Variants in ZNF285 observed in about 807,000 individuals in gnomAD.
The protein encoded by ZNF285 is zinc finger protein 285, also known as zinc finger protein 285A.
ZNF285 carries 4 observed loss-of-function variants against 6.2 expected under a neutral mutation model. The ratio of observed to expected loss-of-function variants is 0.65; its 90% CI spans 0.32 to 1.49. The LOEUF is 1.49. ZNF285 is among the 40% of genes most tolerant of loss of function. The pLI is 0.07. For synonymous variants in ZNF285, 240 were observed against 245.8 expected (o/e 0.98, Z 0.22); for missense variants, 695 against 708.8 (o/e 0.98, Z 0.22).
At position 44,387,901 on chromosome 19, in the gene ZNF285, G is replaced by A. The variant is rs1379664639; in HGVS notation, c.344C>T (p.Ser115Phe). 1.2e-6 allele frequency: 2 copies of A among 1,613,850 alleles called. No homozygotes were observed. The highest frequency in any genetic ancestry group is 1.7e-6 in the Non-Finnish European group (2 of 1,179,914). ...GTTTTCATTTTCAGAAATCTGAAGA[G>A]AAATGCCTGCCCACTCTTCACTGAG... ...VSLSEEWAGI[S>F]LQISENENYV... is the part of the protein sequence containing the mutation. Residue 115 changes from serine (S) to phenylalanine (F), a missense_variant, in exon 4 of 4, where the codon TCT (serine) becomes TTT (phenylalanine). Ser to Phe is a radical substitution (Grantham distance 155, BLOSUM62 -2). Coordinates refer to ENST00000614994, the MANE Select transcript of ZNF285 (RefSeq NM_152354.6).
intron 2 of ZNF285, among the ~76,000 whole-genome samples, chr19:44,393,980 A>G (rs1366661544): frequency 6.6e-6 from 1 of 152,134 alleles, no homozygotes; most frequent in Non-Finnish European, 1.5e-5. Flanking sequence ...TTGCGGCACT[A>G]TTCACAATAG....
At position 44,392,389 on chromosome 19, in the gene ZNF285, G is replaced by A; in HGVS notation, c.93C>T (p.Asn31=). Residue 31 remains asparagine, a synonymous_variant, in exon 3 of 4, where the codon AAC becomes AAT. Coordinates refer to ENST00000614994, the MANE Select transcript of ZNF285 (RefSeq NM_152354.6). Reference sequence around the variant, plus strand: ...TTTCCAGCATCACATCTTGGTACAGGTTTATCTGGGCTTTATCCAATAGTG... The same window carrying A: ...TTTCCAGCATCACATCTTGGTACAGATTTATCTGGGCTTTATCCAATAGTG... ...ELALLDKAQI[N]LYQDVMLENF... 1 of 1,613,762 alleles carries A rather than the reference G, an allele frequency of 6.2e-7. No individual in the cohort carries two copies. Among genetic ancestry groups the A allele is most frequent in the South Asian group, 1.1e-5 (1 of 91,056 alleles).
At chr19:44,394,027 T>C (rs1219939317) in intron 2 of ZNF285, among the ~76,000 whole-genome samples, 1 of 151,928 alleles carries the variant, frequency 6.6e-6, no homozygotes, top group African/African-American at 2.4e-5. Context: ...CCAACAACGA[T>C]AGACTGGATT....
intron 1 of ZNF285, among the ~76,000 whole-genome samples, chr19:44,400,724 G>C (rs925325452): frequency 2.0e-5 from 3 of 151,990 alleles, no homozygotes; most frequent in African/African-American, 7.3e-5. Context: ...ACAGGCGCCT[G>C]CCACCGTGCC....
rs560073053 is a variant in ZNF285, at chr19:44,395,632, TAC to T, written c.15+1565_15+1566del. Among the ~76,000 whole-genome samples the T allele has an allele frequency of 8.5e-5, 13 of 152,270 alleles. No individual in the cohort carries two copies. In the South Asian group the frequency reaches 2.7e-3, roughly 32 times the overall value. On this transcript the variant is annotated intron_variant, in intron 2 of 3. Transcript: ENST00000614994. ...ATTTTTAAGGAAATATATACTGAAATACACAGAGAGTGTGGTAAGTTAGACTG... is the reference window on the plus strand; with the variant it reads ...ATTTTTAAGGAAATATATACTGAAATACAGAGAGTGTGGTAAGTTAGACTG...
Position 44,386,899 on chromosome 19 carries a change from A to G in ZNF285, c.1346T>C (p.Val449Ala). The change falls in exon 4 of 4, where the codon GTC becomes GCC. Residue 449 changes from valine to alanine, a missense_variant. By Grantham distance (64) the Val-to-Ala change is moderately conservative. Coordinates refer to ENST00000614994, the MANE Select transcript of ZNF285 (RefSeq NM_152354.6). ...TTTGTATGGTTTCTCCCCTGTGTGG[A>G]CTCTCTGGTGAATGTGAAGGTGTGT... is the stretch of plus-strand genomic sequence containing the variant. ...QCTHLHIHQR[V>A]HTGEKPYKCN... 1 of 1,613,838 alleles carries G rather than the reference A, an allele frequency of 6.2e-7. No individual in the cohort carries two copies. Among genetic ancestry groups the G allele is most frequent in the African/African-American group, 1.3e-5 (1 of 74,896 alleles).
Position 44,392,428 on chromosome 19 carries a change from G to C in ZNF285, c.54C>G (p.Thr18=). The change falls in exon 3 of 4, where the codon ACC becomes ACG. Residue 18 remains threonine (T), a synonymous_variant. Transcript: ENST00000614994. The part of the protein sequence containing the change: ...VTFKDVAVVF[T]KEELALLDKA... ...TATCCAATAGTGCCAGCTCTTCCTT[G>C]GTGAAGACAACAGCCACATCCTTGA... 6.2e-7 allele frequency: 1 copy of C among 1,613,766 alleles called. No individual in the cohort carries two copies. Among genetic ancestry groups the C allele is most frequent in the Non-Finnish European group, 8.5e-7 (1 of 1,179,814 alleles).
chr19:44,387,371 C>T lies in ZNF285; in HGVS notation c.874G>A (p.Glu292Lys), dbSNP rs531028922. 11 of 1,614,110 alleles carry T rather than the reference C, an allele frequency of 6.8e-6. No individual in the cohort carries two copies. The highest frequency in any genetic ancestry group is 4.5e-5 in the East Asian group (2 of 44,876). The change falls in exon 4 of 4, where the codon GAA becomes AAA. Residue 292 changes from glutamate to lysine, a missense_variant. Coordinates refer to ENST00000614994, the MANE Select transcript of ZNF285 (RefSeq NM_152354.6). ...CTCTGTTTGCAGCCCATAGGCCATT[C>T]GTGGAATTCATAGGGAGTCTTGCCA... ...HSGKTPYEFH[E>K]WPMGCKQSSD...
chr19:44,387,060 A>G lies in ZNF285; in HGVS notation c.1185T>C (p.Thr395=). Residue 395 remains threonine, a synonymous_variant, in exon 4 of 4, where the codon ACT becomes ACC. Coordinates refer to ENST00000614994, the MANE Select transcript of ZNF285 (RefSeq NM_152354.6). ...CACTGCATTTGTAGGGCTTCTCTCC[A>G]GTGTGGACTCTCTGATGGACAAGAA... ...SNLLVHQRVH[T]GEKPYKCSEC... 1 of 1,613,924 alleles carries G rather than the reference A, an allele frequency of 6.2e-7. No individual in the cohort carries two copies. The highest frequency in any genetic ancestry group is 1.7e-5 in the Admixed American group (1 of 59,998).
chr19:44,398,733 T>G (rs564006685), intron 1 of ZNF285, among the ~76,000 whole-genome samples: 28 of 152,266 alleles, frequency 1.8e-4, no homozygotes, highest in Non-Finnish European at 3.7e-4. Flanking sequence ...GGATTCCATC[T>G]GATAAACCCT....
chr19:44,391,295 T>C (rs1401263617), intron 3 of ZNF285, among the ~76,000 whole-genome samples: 1 of 152,158 alleles, frequency 6.6e-6, no homozygotes, highest in Non-Finnish European at 1.5e-5. Flanking sequence ...CTATCTTTTG[T>C]AAATTGCCCA....
Position 44,387,086 on chromosome 19 carries a change from G to C in ZNF285, c.1159C>G (p.Leu387Val). 6.2e-7 allele frequency: 1 copy of C among 1,614,164 alleles called. No individual in the cohort carries two copies. Among genetic ancestry groups the C allele is most frequent in the Non-Finnish European group, 8.5e-7 (1 of 1,180,022 alleles). The change falls in exon 4 of 4, where the codon CTT (leucine) becomes GTT (valine). Residue 387 changes from leucine (L) to valine (V), a missense_variant. Leu to Val is a conservative substitution (Grantham distance 32). Transcript: ENST00000614994. Reference protein sequence around the residue: ...CGKGFDQSSNLLVHQRVHTGE... With the variant: ...CGKGFDQSSNVLVHQRVHTGE... Reference sequence around the variant, plus strand: ...GTGTGGACTCTCTGATGGACAAGAAGGTTGGAGCTCTGATCAAAGCCCTTC... The same window carrying C: ...GTGTGGACTCTCTGATGGACAAGAACGTTGGAGCTCTGATCAAAGCCCTTC...
At chr19:44,389,488 A>G (rs116172854) in intron 3 of ZNF285, among the ~76,000 whole-genome samples, 1,957 of 152,278 alleles carry the variant, frequency 0.013, 35 homozygotes, top group African/African-American at 0.044. Context: ...AATCAGCATT[A>G]TGACTCAGTA....
In ZNF285 at chr19:44,382,400, G is replaced by A. The variant is rs2123249434; in HGVS notation, c.*4072C>T. On this transcript the variant is annotated 3_prime_UTR_variant, in exon 4 of 4. Coordinates refer to ENST00000614994, the MANE Select transcript of ZNF285 (RefSeq NM_152354.6). ...TGCAACCTCCACCTCCTGTGCTCAA[G>A]CGATTCTCCTGCCTCAGCCTCCTGA... is the stretch of plus-strand genomic sequence containing the variant. 6.8e-6 allele frequency: 1 copy of A among 147,630 alleles called. No individual in the cohort carries two copies. Among genetic ancestry groups the A allele is most frequent in the African/African-American group, 2.5e-5 (1 of 40,426 alleles). 9.1% of individuals were successfully genotyped at this position (147,630 alleles called of 1,614,324 possible). A position where few individuals can be genotyped will look rare whatever the true frequency, so the allele number is the denominator to read the frequency against.
rs1319181405 is a variant in ZNF285, at chr19:44,384,973, C to A, written c.*1499G>T. 11 of 132,338 alleles carry A rather than the reference C, an allele frequency of 8.3e-5. No homozygotes were observed. The highest frequency in any genetic ancestry group is 4.6e-4 in the East Asian group (2 of 4,322). 8.2% of individuals were successfully genotyped at this position (132,338 alleles called of 1,614,324 possible). A position where few individuals can be genotyped will look rare whatever the true frequency, so the allele number is the denominator to read the frequency against. ...GATCAGGCCACTGCACTCCAGCCAC[C>A]TGGGTGACACAGCAAGACCCTGTTT... On this transcript the variant is annotated 3_prime_UTR_variant, in exon 4 of 4. Transcript: ENST00000614994.
chr19:44,397,317 T>C, intron 1 of ZNF285, 61 bp from the exon 2 acceptor site: 1 of 1,576,822 alleles, frequency 6.3e-7, no homozygotes, highest in South Asian at 1.1e-5. Flanking sequence ...GAACATTGGT[T>C]CCTTCCTTAT....
chr19:44,394,203 T>C (rs947719909), intron 2 of ZNF285, among the ~76,000 whole-genome samples: 1 of 151,784 alleles, frequency 6.6e-6, no homozygotes, highest in African/African-American at 2.4e-5. Flanking sequence ...TAGGTGGGAA[T>C]TGAACAATGA....
chr19:44,390,926 C>T (rs759327743), intron 3 of ZNF285, among the ~76,000 whole-genome samples: 18 of 151,846 alleles, frequency 1.2e-4, no homozygotes, highest in Non-Finnish European at 2.1e-4. Flanking sequence ...GAGGCTGAGG[C>T]GGGTGGATCA....
intron 2 of ZNF285, among the ~76,000 whole-genome samples, chr19:44,395,249 T>C (rs1268405009): frequency 6.6e-6 from 1 of 152,198 alleles, no homozygotes; most frequent in Non-Finnish European, 1.5e-5. Flanking sequence ...CTATGAAGTA[T>C]GAATCTATTC....
Sources: gnomAD v4.1 joint callset for allele counts (sites outside exome capture counted in the v4.1 genomes callset) on GRCh38, gnomAD v4.1.1 for gene constraint, MANE v1.5 for transcripts, NCBI Gene and HGNC (gene_info 2026-07-23, HGNC 2026-07-21) for gene names.